PDE10A: variants seen among roughly 807,000 people sequenced by gnomAD.
PDE10A encodes the protein cAMP and cAMP-inhibited cGMP 3',5'-cyclic phosphodiesterase 10A.
PDE10A carries 39 observed loss-of-function variants against 97.7 expected under a neutral mutation model. The ratio of observed to expected loss-of-function variants is 0.40; its 90% CI spans 0.31 to 0.52. The LOEUF (loss-of-function observed/expected upper bound fraction) is 0.52. PDE10A is among the 20% of genes least tolerant of loss of function. PDE10A has a pLI of 0.56. For missense variants in PDE10A, 731 were observed against 1,047.8 expected (o/e 0.70, Z 4.17); for synonymous variants, 371 against 376.8 (o/e 0.98, Z 0.18).
intron 1 of PDE10A, among the ~76,000 whole-genome samples, chr6:165,937,521 T>C (rs1368942020): frequency 6.6e-6 from 1 of 152,264 alleles, no homozygotes. Flanking sequence ...TTCTTATTTT[T>C]ATATCACTTA....
At chr6:165,834,909 T>C (rs1297036968) in intron 1 of PDE10A, among the ~76,000 whole-genome samples, 1 of 152,224 alleles carries the variant, frequency 6.6e-6, no homozygotes, top group African/African-American at 2.4e-5. Flanking sequence ...GTTAGCTTCC[T>C]TCGGCTCAGT....
In PDE10A at chr6:165,675,428, T is replaced by G. The variant is rs541971837; in HGVS notation, c.-614-131860A>C. 1.4e-4 allele frequency among the ~76,000 whole-genome samples: 21 copies of G among 152,380 alleles called. 1 individual carries two copies. In the South Asian group the frequency reaches 4.1e-3, roughly 30 times the overall value. On this transcript the variant is annotated intron_variant, in intron 1 of 19. Transcript: ENST00000366882. ...GAAGTATATTTTTCTCTAAGTATAT[T>G]CTTGGTATTGAGAAAGAGAAAAAAG...
chr6:165,664,002 G>C (rs1790427191), upstream of PDE10A, among the ~76,000 whole-genome samples: 1 of 152,216 alleles, frequency 6.6e-6, no homozygotes, highest in African/African-American at 2.4e-5. Flanking sequence ...GTTCGGGCAG[G>C]CACGCGCGGC....
At position 165,694,748 on chromosome 6, in the gene PDE10A, C is replaced by G. The variant is rs77297692; in HGVS notation, c.-614-151180G>C. 9.2e-3 allele frequency among the ~76,000 whole-genome samples: 1,405 copies of G among 152,206 alleles called. 22 individuals carry two copies. The highest frequency in any genetic ancestry group is 0.032 in the African/African-American group (1,336 of 41,528). ...AGCTTTTGTTTTATTTTTAAATTAT[C>G]TGGGACAGAGGATAGATGAGAAGGG... On this transcript the variant is annotated intron_variant, in intron 1 of 19. Coordinates refer to the PDE10A transcript ENST00000366882.
At chr6:165,427,172 A>C (rs1482363592) in intron 10 of PDE10A, among the ~76,000 whole-genome samples, 2 of 152,188 alleles carry the variant, frequency 1.3e-5, no homozygotes, top group Non-Finnish European at 2.9e-5. Context: ...GCATGTCCAC[A>C]GCAGCACTAT....
chr6:165,845,584 A>T (rs975292095), intron 1 of PDE10A, among the ~76,000 whole-genome samples: 1 of 152,222 alleles, frequency 6.6e-6, no homozygotes, highest in Non-Finnish European at 1.5e-5. Context: ...GTTGGAATCT[A>T]GAGGATATGT....
intron 3 of PDE10A, among the ~76,000 whole-genome samples, chr6:165,480,286 A>G (rs1034975465): frequency 2.6e-5 from 4 of 152,172 alleles, no homozygotes; most frequent in African/African-American, 9.7e-5. Context: ...AAAGTACTTC[A>G]TCATAATTAG....
intron 1 of PDE10A, among the ~76,000 whole-genome samples, chr6:165,677,393 T>A (rs541775347): frequency 6.6e-6 from 1 of 152,330 alleles, no homozygotes; most frequent in East Asian, 1.9e-4. Context: ...GCTGTCTCTC[T>A]AGATACATAT....
At chr6:165,858,552 T>C (rs903189863) in intron 1 of PDE10A, among the ~76,000 whole-genome samples, 2 of 152,172 alleles carry the variant, frequency 1.3e-5, no homozygotes, top group Non-Finnish European at 2.9e-5. Context: ...CTTCCCCATC[T>C]CTCAGGATTG....
intron 1 of PDE10A, chr6:165,545,220 C>A: frequency 2.0e-6 from 1 of 505,082 alleles, no homozygotes; most frequent in Non-Finnish European, 3.9e-6. Context: ...ATTCTACTTT[C>A]TCTTCAACAA....
chr6:165,652,107 A>G (rs1200981438), intron 1 of PDE10A, among the ~76,000 whole-genome samples: 1 of 152,246 alleles, frequency 6.6e-6, no homozygotes, highest in Non-Finnish European at 1.5e-5. Context: ...TGAGAAGCAG[A>G]GTATAGTCCT....
At chr6:165,475,231 C>A (rs1779229305) in intron 3 of PDE10A, among the ~76,000 whole-genome samples, 1 of 152,078 alleles carries the variant, frequency 6.6e-6, no homozygotes, top group Admixed American at 6.5e-5. Flanking sequence ...CTGATTATAA[C>A]ATAATATAAA....
At chr6:165,866,465 A>G (rs111996619) in intron 1 of PDE10A, among the ~76,000 whole-genome samples, 4,125 of 150,456 alleles carry the variant, frequency 0.027, 95 homozygotes, top group South Asian at 0.1. Flanking sequence ...ATACACAGTC[A>G]TGCACTGGTG....
chr6:165,553,545 T>C (rs559823122), intron 1 of PDE10A, among the ~76,000 whole-genome samples: 1 of 152,342 alleles, frequency 6.6e-6, no homozygotes, highest in Non-Finnish European at 1.5e-5. Context: ...GTCTATGACC[T>C]AGAAAGCAGT....
At position 165,954,130 on chromosome 6, in the gene PDE10A, C is replaced by T. The variant is rs938094898; in HGVS notation, c.-615+33399G>A. On this transcript the variant is annotated intron_variant, in intron 1 of 19. Transcript: ENST00000366882. ...AATATTCCACTGTGTGGAACGACCACAGTTTGTTTATCCATTTACCTAACC... is the reference window on the plus strand; with the variant it reads ...AATATTCCACTGTGTGGAACGACCATAGTTTGTTTATCCATTTACCTAACC... 9.8e-5 allele frequency among the ~76,000 whole-genome samples: 15 copies of T among 152,340 alleles called. No individual in the cohort carries two copies. In the South Asian group the frequency reaches 2.1e-3, roughly 21 times the overall value.
At chr6:165,904,724 A>G (rs1262840466) in intron 1 of PDE10A, among the ~76,000 whole-genome samples, 1 of 152,194 alleles carries the variant, frequency 6.6e-6, no homozygotes, top group Non-Finnish European at 1.5e-5. Flanking sequence ...AGAATGTCTC[A>G]ATTTCCATTA....
intron 18 of PDE10A, among the ~76,000 whole-genome samples, chr6:165,366,479 A>T (rs151057163): frequency 6.6e-6 from 1 of 152,240 alleles, no homozygotes; most frequent in South Asian, 2.1e-4. Context: ...TAAATTCTAG[A>T]TAGAACTAAA....
At chr6:165,723,977 G>A (rs1430627613) in intron 1 of PDE10A, among the ~76,000 whole-genome samples, 2 of 152,094 alleles carry the variant, frequency 1.3e-5, no homozygotes, top group African/African-American at 2.4e-5. Flanking sequence ...TTATGTAAGC[G>A]ATTCCACAAT....
At chr6:165,678,221 ATG>A (rs1237988685) in intron 1 of PDE10A, among the ~76,000 whole-genome samples, 1 of 8,972 alleles carries the variant, frequency 1.1e-4, no homozygotes. Flanking sequence ...GTGTGTGTAT[ATG>A]TGTGTGTGTA....
Sources: gnomAD v4.1 joint callset for allele counts (sites outside exome capture counted in the v4.1 genomes callset) on GRCh38, gnomAD v4.1.1 for gene constraint, MANE v1.5 for transcripts, NCBI Gene and HGNC (gene_info 2026-07-23, HGNC 2026-07-21) for gene names.